Variants in SPECC1 observed in about 807,000 individuals in gnomAD.
SPECC1 encodes cytospin-B.
Under a neutral mutation model 104.1 loss-of-function variants are expected in SPECC1, and 62 were observed. The observed-to-expected ratio is 0.60, with a 90% CI of 0.49 to 0.74. SPECC1 has a LOEUF of 0.74. SPECC1 is among the 30% of genes least tolerant of loss of function. The pLI is 0.00. For missense variants in SPECC1, 1,306 were observed against 1,310.5 expected (o/e 1.00, Z 0.05); for synonymous variants, 513 against 501.6 (o/e 1.02, Z -0.30).
At chr17:20,255,232 G>C (rs1185901959) in intron 10 of SPECC1, among the ~76,000 whole-genome samples, 2 of 152,158 alleles carry the variant, frequency 1.3e-5, no homozygotes, top group African/African-American at 2.4e-5. Context: ...AGAACAAACA[G>C]AGTTCAGTGG....
chr17:20,191,763 T>C (rs964654485), intron 3 of SPECC1, among the ~76,000 whole-genome samples: 1 of 152,118 alleles, frequency 6.6e-6, no homozygotes, highest in African/African-American at 2.4e-5. Context: ...GTTTTCTGTA[T>C]ATACCCCTTA....
chr17:20,073,197 G>C (rs895788899), intron 1 of SPECC1, among the ~76,000 whole-genome samples: 2 of 152,124 alleles, frequency 1.3e-5, no homozygotes, highest in South Asian at 4.1e-4. Context: ...GTTGTAGCCC[G>C]ACTTCCCCTT....
intron 12 of SPECC1, among the ~76,000 whole-genome samples, chr17:20,278,446 A>G (rs960094932): frequency 3.3e-5 from 5 of 152,172 alleles, no homozygotes; most frequent in Non-Finnish European, 5.9e-5. Context: ...CAGCCACCCT[A>G]CAGGCTAAGG....
At chr17:20,133,558 G>A (rs967138373) in intron 3 of SPECC1, among the ~76,000 whole-genome samples, 4 of 151,196 alleles carry the variant, frequency 2.6e-5, no homozygotes, top group Non-Finnish European at 4.4e-5. Context: ...CTCATGTTAT[G>A]TCTAGATTTA....
chr17:20,199,467 C>T (rs1390699990), intron 3 of SPECC1, among the ~76,000 whole-genome samples: 5 of 134,492 alleles, frequency 3.7e-5, no homozygotes, highest in Non-Finnish European at 7.7e-5. Flanking sequence ...GTGGTGTAAT[C>T]TCAGCTCACT....
intron 12 of SPECC1, among the ~76,000 whole-genome samples, chr17:20,283,776 A>G (rs1399003965): frequency 6.6e-6 from 1 of 152,048 alleles, no homozygotes; most frequent in Non-Finnish European, 1.5e-5. Flanking sequence ...TTTGGTAGAG[A>G]TGAGGTTTCG....
In SPECC1 at chr17:20,318,077, C is replaced by T; in HGVS notation, c.*4012C>T. 4.3e-6 allele frequency: 1 copy of T among 231,332 alleles called. No homozygotes were observed. The highest frequency in any genetic ancestry group is 8.6e-6 in the Non-Finnish European group (1 of 116,874). The allele number at this position is 231,332 out of a possible 1,614,324, so 14.3% of individuals were successfully genotyped here. On this transcript the variant is annotated 3_prime_UTR_variant, in exon 15 of 15. Transcript: ENST00000395527. The stretch of plus-strand genomic sequence containing the variant: ...TCTGTCCTGAGGATTTCAAAGACCA[C>T]AACAGCCACATTTCTTTCCATCTTC...
At chr17:20,214,167 T>C (rs374743931) in intron 4 of SPECC1, among the ~76,000 whole-genome samples, 10 of 152,226 alleles carry the variant, frequency 6.6e-5, no homozygotes, top group African/African-American at 2.2e-4. Flanking sequence ...CCTCCCACTT[T>C]AGCCTCCCAG....
chr17:20,303,226 A>AC (rs1223165949), intron 13 of SPECC1, among the ~76,000 whole-genome samples: 1 of 152,234 alleles, frequency 6.6e-6, no homozygotes, highest in Admixed American at 6.5e-5. Context: ...AAACACAAAG[A>AC]CCTCAATAGC....
intron 12 of SPECC1, among the ~76,000 whole-genome samples, chr17:20,264,634 G>A (rs2040157348): frequency 6.6e-6 from 1 of 151,694 alleles, no homozygotes; most frequent in Non-Finnish European, 1.5e-5. Context: ...ACCACACCTG[G>A]CTAATTTTTG....
Position 20,132,975 on chromosome 17 carries a change from G to A in SPECC1, c.283+22413G>A, listed in dbSNP as rs1182885381. ...AGGATGGTCTCGATCTCCTGACCTC[G>A]TGATCCTGCCGCCTCGGCCTCCCGA... On this transcript the variant is annotated intron_variant, in intron 3 of 14. Transcript: ENST00000395527. 3.3e-5 allele frequency among the ~76,000 whole-genome samples: 5 copies of A among 152,154 alleles called. No individual in the cohort carries two copies. The South Asian group carries it at 8.3e-4, about 25-fold the overall frequency.
chr17:20,170,094 C>T (rs1233752199), intron 3 of SPECC1, among the ~76,000 whole-genome samples: 1 of 152,198 alleles, frequency 6.6e-6, no homozygotes, highest in African/African-American at 2.4e-5. Flanking sequence ...GTTCCATTGC[C>T]CTTGCTGCCC....
intron 3 of SPECC1, among the ~76,000 whole-genome samples, chr17:20,188,587 G>A (rs777367261): frequency 3.9e-5 from 6 of 152,072 alleles, no homozygotes; most frequent in African/African-American, 1.2e-4. Context: ...TGTATTAGAA[G>A]ATATACTTAT....
chr17:20,221,758 T>C (rs1180080663), intron 4 of SPECC1, among the ~76,000 whole-genome samples: 3 of 152,182 alleles, frequency 2.0e-5, no homozygotes, highest in Admixed American at 6.5e-5. Flanking sequence ...TTCTCTGTTT[T>C]TGATGTAGGC....
intron 3 of SPECC1, among the ~76,000 whole-genome samples, chr17:20,121,260 G>A (rs953940890): frequency 6.6e-6 from 1 of 151,872 alleles, no homozygotes; most frequent in Non-Finnish European, 1.5e-5. Flanking sequence ...TTTCTCTCCC[G>A]TGCCCACCAC....
Position 20,111,036 on chromosome 17 carries a change from G to A in SPECC1, c.283+474G>A, listed in dbSNP as rs183782113. Among the ~76,000 whole-genome samples the A allele has an allele frequency of 6.6e-5, 10 of 152,300 alleles. No individual in the cohort carries two copies. In the East Asian group the frequency reaches 1.9e-3, roughly 29 times the overall value. ...GTGGCTTGGACGGCAGTGGCAACAG[G>A]AAGCTGTGAACCTTCTCAGTGTTAC... is the stretch of plus-strand genomic sequence containing the variant. On this transcript the variant is annotated intron_variant, in intron 3 of 14. Coordinates refer to ENST00000395527, the MANE Select transcript of SPECC1 (RefSeq NM_001243439.2).
Position 20,318,596 on chromosome 17 carries a change from G to A in SPECC1, c.*4531G>A, listed in dbSNP as rs2042068102. On this transcript the variant is annotated 3_prime_UTR_variant, in exon 15 of 15. Transcript: ENST00000395527. ...GCAGCTTGTGGAGATGGAGGACTCG[G>A]GCCCATAGATGCAGACCCCCTACCA... The A allele has an allele frequency of 4.4e-6, 1 of 229,204 alleles. No individual in the cohort carries two copies. The highest frequency in any genetic ancestry group is 5.7e-5 in the Admixed American group (1 of 17,624). 14.2% of individuals were successfully genotyped at this position (229,204 alleles called of 1,614,324 possible). A position where few individuals can be genotyped will look rare whatever the true frequency, so the allele number is the denominator to read the frequency against.
chr17:20,292,877 C>T (rs1409657022), intron 12 of SPECC1, among the ~76,000 whole-genome samples: 2 of 152,196 alleles, frequency 1.3e-5, no homozygotes, highest in Admixed American at 6.5e-5. Context: ...GTGTTGCTTT[C>T]AGCTAGATAC....
intron 1 of SPECC1, among the ~76,000 whole-genome samples, chr17:20,030,307 T>G (rs1219041034): frequency 1.3e-5 from 2 of 152,184 alleles, no homozygotes; most frequent in African/African-American, 4.8e-5. Flanking sequence ...GATACCAAAA[T>G]GTTATTCCTA....
Sources: gnomAD v4.1 joint callset for allele counts (sites outside exome capture counted in the v4.1 genomes callset) on GRCh38, gnomAD v4.1.1 for gene constraint, MANE v1.5 for transcripts, NCBI Gene and HGNC (gene_info 2026-07-23, HGNC 2026-07-21) for gene names.